Variants in YY1AP1 observed in about 807,000 individuals in gnomAD.
YY1AP1 encodes YY1 associated protein 1, also known as YY1-associated protein 1.
A neutral mutation model predicts 39.9 loss-of-function variants in YY1AP1; 43 were observed. The observed-to-expected ratio is 1.08, with a 90% CI of 0.84 to 1.39. YY1AP1 has a LOEUF of 1.39. Among genes scored for constraint, YY1AP1 ranks in the 40% most tolerant of loss-of-function variants. The probability of loss-of-function intolerance (pLI) is 0.00; values close to 1 mark genes in which losing one functional copy is unlikely to be tolerated. For synonymous variants in YY1AP1, 292 were observed against 331.3 expected, an observed-to-expected ratio of 0.88 and a Z score of 1.29; for missense variants, 813 against 900.7, an observed-to-expected ratio of 0.90 and a Z score of 1.25.
intron 3 of YY1AP1, 183 bp from the exon 4 acceptor site, chr1:155,679,695 T>A: frequency 1.0e-6 from 1 of 985,454 alleles, no homozygotes; most frequent in Non-Finnish European, 1.2e-6. Flanking sequence ...ATGACTATTA[T>A]GCCAGGAAAG....
chr1:155,688,737 C>T lies in YY1AP1; in HGVS notation c.-230G>A, dbSNP rs1653147506. ...CCTCCCCGCCCGCACGGCCACCAAC[C>T]GCCGCCAAAGCAGCCGCCGCCAGCA... On this transcript the variant is annotated 5_prime_UTR_variant, in exon 1 of 11. Transcript: ENST00000355499. The T allele has an allele frequency of 4.0e-6, 6 of 1,518,428 alleles. No homozygotes were observed. The highest frequency in any genetic ancestry group is 3.7e-5 in the South Asian group (3 of 81,808). The allele number at this position is 1,518,428 out of a possible 1,614,324, so 94.1% of individuals were successfully genotyped here.
chr1:155,661,002 C>T, intron 10 of YY1AP1, 89 bp from the exon 11 acceptor site: 1 of 1,597,500 alleles, frequency 6.3e-7, no homozygotes, highest in Non-Finnish European at 8.5e-7. Flanking sequence ...CTGAGACAAG[C>T]TCAAGGCATC....
intron 4 of YY1AP1, 59 bp from the exon 5 acceptor site, chr1:155,676,805 T>C (rs1650765021): frequency 2.6e-6 from 4 of 1,537,114 alleles, no homozygotes; most frequent in Non-Finnish European, 3.6e-6. Context: ...ACACATCCAA[T>C]TCTTTGCAAT....
chr1:155,688,472 G>C (rs1034191921), intron 1 of YY1AP1, 187 bp downstream of exon 1: 1 of 1,549,594 alleles, frequency 6.5e-7, no homozygotes, highest in Non-Finnish European at 8.7e-7. Flanking sequence ...CATGTAGCGC[G>C]CACGTCAGCC....
At chr1:155,684,943 T>C (rs1216655513) in intron 2 of YY1AP1, among the ~76,000 whole-genome samples, 1 of 152,202 alleles carries the variant, frequency 6.6e-6, no homozygotes, top group African/African-American at 2.4e-5. Context: ...AATAAATTAA[T>C]GGGTAGTCTG....
chr1:155,671,248 T>G (rs1283199159), intron 7 of YY1AP1, among the ~76,000 whole-genome samples: 1 of 151,650 alleles, frequency 6.6e-6, no homozygotes, highest in Admixed American at 6.6e-5. Context: ...CTGGCCAACA[T>G]AGTGAAACCC....
intron 8 of YY1AP1, among the ~76,000 whole-genome samples, chr1:155,669,977 A>T (rs1250275097): frequency 1.3e-5 from 2 of 152,188 alleles, no homozygotes; most frequent in Non-Finnish European, 2.9e-5. Flanking sequence ...GTGAGCTGTG[A>T]TTGCAACACT....
Position 155,680,469 on chromosome 1 carries a change from C to T in YY1AP1, c.-20-13G>A. On this transcript the variant is annotated splice_polypyrimidine_tract_variant and intron_variant, in intron 2 of 10. Transcript: ENST00000355499. Reference sequence around the variant, plus strand: ...TTTGCTTCCTTTTCTGCAAAAAAGCCAAACGTTGTTGGTATAAATTAGATT... The same window carrying T: ...TTTGCTTCCTTTTCTGCAAAAAAGCTAAACGTTGTTGGTATAAATTAGATT... 1.2e-6 allele frequency: 2 copies of T among 1,611,884 alleles called. No homozygotes were observed. Among genetic ancestry groups the T allele is most frequent in the Middle Eastern group, 1.7e-4 (1 of 6,052 alleles).
In YY1AP1 at chr1:155,660,010, T is replaced by A; in HGVS notation, c.1900A>T (p.Lys634Ter). The A allele has an allele frequency of 6.2e-7, 1 of 1,614,200 alleles. No homozygotes were observed. The highest frequency in any genetic ancestry group is 8.5e-7 in the Non-Finnish European group (1 of 1,180,052). The change falls in exon 11 of 11, where the codon AAG (lysine) becomes TAG (stop). Residue 634 changes from lysine to a stop codon, truncating the protein, a stop_gained. Coordinates refer to ENST00000355499, the MANE Select transcript of YY1AP1 (RefSeq NM_139119.3). LOFTEE classifies it low-confidence loss of function (END_TRUNC). ...GCAATGTCCACATTCATGTGGGCCT[T>A]ATCTTCAGGGGTGGATGGTATAGGA... ...NLPIPSTPED[K>*]AHMNVDIACA...
chr1:155,661,117 A>T (rs555459084), intron 10 of YY1AP1, 190 bp downstream of exon 10: 1 of 1,510,316 alleles, frequency 6.6e-7, no homozygotes, highest in East Asian at 2.4e-5. Context: ...CATTTTACCC[A>T]TTATTTTGAA....
chr1:155,669,919 G>A (rs533630034), intron 8 of YY1AP1, among the ~76,000 whole-genome samples: 8 of 152,296 alleles, frequency 5.3e-5, no homozygotes, highest in African/African-American at 1.9e-4. Context: ...GCTACTCCAT[G>A]GAGGCTGAGG....
At chr1:155,682,647 C>A (rs1305938561) in intron 2 of YY1AP1, among the ~76,000 whole-genome samples, 1 of 151,992 alleles carries the variant, frequency 6.6e-6, no homozygotes, top group Non-Finnish European at 1.5e-5. Flanking sequence ...AGGCATGAGC[C>A]ACTGCACCCA....
rs1571383274 is a variant in YY1AP1 at position 155,688,154 on chromosome 1, A to C, written c.-104T>G. The C allele has an allele frequency of 6.2e-7, 1 of 1,613,774 alleles. No individual in the cohort carries two copies. The highest frequency in any genetic ancestry group is 8.5e-7 in the Non-Finnish European group (1 of 1,179,878). On this transcript the variant is annotated 5_prime_UTR_variant, in exon 2 of 11. Transcript: ENST00000355499. The stretch of plus-strand genomic sequence containing the variant: ...CAGGCTCCTCCGCTTCCCTGGGTCC[A>C]CCGCGGATCCCTCCCGCTTGTCAGG...
At chr1:155,681,600 GAGAC>G (rs149162613) in intron 2 of YY1AP1, among the ~76,000 whole-genome samples, 6,211 of 151,476 alleles carry the variant, frequency 0.041, 448 homozygotes, top group African/African-American at 0.14. Context: ...AAAAAAAAAA[GAGAC>G]AGACAGAGAC....
At chr1:155,666,953 T>C (rs944423304) in intron 9 of YY1AP1, among the ~76,000 whole-genome samples, 1 of 152,056 alleles carries the variant, frequency 6.6e-6, no homozygotes, top group African/African-American at 2.4e-5. Context: ...TGAGCTAAAA[T>C]TGTGCCACTG....
At chr1:155,665,340 C>T (rs1454437171) in intron 9 of YY1AP1, among the ~76,000 whole-genome samples, 2 of 152,030 alleles carry the variant, frequency 1.3e-5, no homozygotes, top group African/African-American at 4.8e-5. Context: ...ATACTCACGC[C>T]TGTAATCCCA....
In YY1AP1 at chr1:155,688,464, T is replaced by C. The variant is rs199955075; in HGVS notation, c.-152+195A>G. The C allele has an allele frequency of 5.9e-5, 92 of 1,549,698 alleles. 4 individuals are homozygous for C. The South Asian group carries it at 7.1e-4, about 12-fold the overall frequency. On this transcript the variant is annotated intron_variant, in intron 1 of 10. Transcript: ENST00000355499. ...CCCCCGCTTCGCCCGACTCCGGCCA[T>C]GTAGCGCGCACGTCAGCCCGCACGC...
chr1:155,664,918 C>A (rs538690101), intron 9 of YY1AP1, among the ~76,000 whole-genome samples: 10 of 151,622 alleles, frequency 6.6e-5, no homozygotes, highest in African/African-American at 2.2e-4. Flanking sequence ...TACAGACGCC[C>A]GCCACCACAC....
intron 9 of YY1AP1, among the ~76,000 whole-genome samples, chr1:155,662,763 G>A (rs2149026479): frequency 6.6e-6 from 1 of 152,234 alleles, no homozygotes; most frequent in East Asian, 1.9e-4. Flanking sequence ...CACTTTGGGA[G>A]AACGAGGAGG....
Sources: gnomAD v4.1 joint callset for allele counts (sites outside exome capture counted in the v4.1 genomes callset) on GRCh38, gnomAD v4.1.1 for gene constraint, MANE v1.5 for transcripts, NCBI Gene and HGNC (gene_info 2026-07-23, HGNC 2026-07-21) for gene names.